Variants in TYW5 observed in about 807,000 individuals in gnomAD.
TYW5 encodes tRNA wybutosine-synthesizing protein 5.
TYW5 carries 36 observed loss-of-function variants against 44.4 expected under a neutral mutation model. The observed-to-expected ratio is 0.81, with a 90% CI of 0.62 to 1.07. The LOEUF is 1.07. Ranked by LOEUF, TYW5 falls within the 50% of genes least tolerant of loss-of-function variation. The pLI is 0.00. For synonymous variants in TYW5, 121 were observed against 128.1 expected, an observed-to-expected ratio of 0.94 and a Z score of 0.37; for missense variants, 354 against 365.7, an observed-to-expected ratio of 0.97 and a Z score of 0.26.
At chr2:199,947,404 C>T (rs2077511358) in intron 2 of TYW5, 2 of 152,282 alleles carry the variant, frequency 1.3e-5, no homozygotes, top group African/African-American at 2.4e-5. Context: ...GCATTTAAAA[C>T]TTTCATCTTT....
Position 199,933,115 on chromosome 2 carries a change from T to C in TYW5, c.900A>G (p.Arg300=), listed in dbSNP as rs769290227. 3 of 1,614,176 alleles carry C rather than the reference T, an allele frequency of 1.9e-6. No homozygotes were observed. The highest frequency in any genetic ancestry group is 2.2e-5 in the South Asian group (2 of 91,086). Residue 300 remains arginine, a synonymous_variant, in exon 8 of 8, where the codon CGA becomes CGG. Coordinates refer to ENST00000354611, the MANE Select transcript of TYW5 (RefSeq NM_001039693.3). ...PEEYRDFYAR[R]MVLHIQDKAY... ...CTTTGTCTTGAATGTGTAGGACCAT[T>C]CGTCGTGCATAGAAGTCCCTATATT... is the stretch of plus-strand genomic sequence containing the variant.
chr2:199,939,945 A>G, intron 4 of TYW5, 144 bp downstream of exon 4: 1 of 789,614 alleles, frequency 1.3e-6, no homozygotes, highest in Non-Finnish European at 2.1e-6. Context: ...CTTCTTATTC[A>G]GGGGCACAAA....
chr2:199,941,018 T>C (rs1454357804), intron 3 of TYW5, among the ~76,000 whole-genome samples: 1 of 152,192 alleles, frequency 6.6e-6, no homozygotes, highest in Non-Finnish European at 1.5e-5. Flanking sequence ...TTCATTGTAG[T>C]AAACGTAAAC....
In TYW5 at chr2:199,939,032, T is replaced by C; in HGVS notation, c.387A>G (p.Lys129=). The C allele has an allele frequency of 6.2e-7, 1 of 1,612,006 alleles. No homozygotes were observed. Among genetic ancestry groups the C allele is most frequent in the Non-Finnish European group, 8.5e-7 (1 of 1,179,404 alleles). ...ADIRKQFPLL[K]GDIKFPEFFK... ...AGAATTCTGGAAACTTAATATCTCC[T>C]TTCAACAAAGGAAACTGCTTTCTGA... The change falls in exon 5 of 8, where the codon AAA becomes AAG. Residue 129 remains lysine, a synonymous_variant. Transcript: ENST00000354611.
intron 5 of TYW5, among the ~76,000 whole-genome samples, chr2:199,938,632 A>G (rs2077440281): frequency 6.6e-6 from 1 of 152,120 alleles, no homozygotes; most frequent in South Asian, 2.1e-4. Flanking sequence ...TTCCCCCATT[A>G]TCTGGTGGCC....
intron 6 of TYW5, 66 bp downstream of exon 6, chr2:199,936,339 A>C (rs569868352): frequency 7.5e-7 from 1 of 1,337,178 alleles, no homozygotes; most frequent in South Asian, 1.2e-5. Flanking sequence ...TATAAGAATC[A>C]AGAGATTTCT....
intron 2 of TYW5, chr2:199,948,019 G>A (rs1459860318): frequency 3.9e-6 from 1 of 255,022 alleles, no homozygotes; most frequent in South Asian, 4.5e-5. Flanking sequence ...TTGAACCCAG[G>A]AGGCAGAGGT....
At chr2:199,950,412 C>T (rs137885291) in intron 1 of TYW5, among the ~76,000 whole-genome samples, 3 of 152,194 alleles carry the variant, frequency 2.0e-5, no homozygotes, top group African/African-American at 7.2e-5. Flanking sequence ...TAGGTCACAC[C>T]ACTGTAAAAA....
In TYW5 at chr2:199,930,673, A is replaced by C. The variant is rs906946785; in HGVS notation, c.*2394T>G. The C allele has an allele frequency of 6.6e-6, 1 of 152,250 alleles. No homozygotes were observed. The highest frequency in any genetic ancestry group is 6.5e-5 in the Admixed American group (1 of 15,280). 9.4% of individuals were successfully genotyped at this position (152,250 alleles called of 1,614,324 possible). The stretch of plus-strand genomic sequence containing the variant: ...AGTGAGAAATTTTGTTGGCAGAGGA[A>C]AAAAATTCCTTTTTGCATCAGGTCA... On this transcript the variant is annotated 3_prime_UTR_variant, in exon 8 of 8. Coordinates refer to ENST00000354611, the MANE Select transcript of TYW5 (RefSeq NM_001039693.3).
At chr2:199,934,690 T>C (rs2077405577) in intron 7 of TYW5, among the ~76,000 whole-genome samples, 1 of 152,048 alleles carries the variant, frequency 6.6e-6, no homozygotes, top group Non-Finnish European at 1.5e-5. Flanking sequence ...AAAGTATTAA[T>C]GATTCTTAAT....
intron 2 of TYW5, chr2:199,944,959 G>A (rs892078083): frequency 6.6e-6 from 1 of 152,160 alleles, no homozygotes; most frequent in Admixed American, 6.5e-5. Flanking sequence ...GTGATATCAG[G>A]TAACACTGTT....
intron 1 of TYW5, among the ~76,000 whole-genome samples, chr2:199,948,853 T>C (rs954029266): frequency 6.6e-6 from 1 of 152,202 alleles, no homozygotes; most frequent in Non-Finnish European, 1.5e-5. Flanking sequence ...TGTTAACATT[T>C]TGCACATTTG....
intron 2 of TYW5, 195 bp from the exon 3 acceptor site, chr2:199,944,029 G>A: frequency 4.5e-6 from 2 of 446,214 alleles, no homozygotes; most frequent in South Asian, 1.0e-4. Context: ...CTTGATCTAA[G>A]TTGTCTGAAA....
intron 5 of TYW5, among the ~76,000 whole-genome samples, chr2:199,936,774 T>C (rs957705571): frequency 6.6e-6 from 1 of 152,214 alleles, no homozygotes; most frequent in African/African-American, 2.4e-5. Context: ...ACAGCATAGT[T>C]AAGCCTATTT....
At chr2:199,950,621 T>C (rs2077537070) in intron 1 of TYW5, among the ~76,000 whole-genome samples, 1 of 152,102 alleles carries the variant, frequency 6.6e-6, no homozygotes, top group African/African-American at 2.4e-5. Flanking sequence ...GGTCCCAGTA[T>C]GAGTGAGTGC....
chr2:199,945,020 T>A (rs1171118243), intron 2 of TYW5: 1 of 152,348 alleles, frequency 6.6e-6, no homozygotes, highest in South Asian at 2.1e-4. Flanking sequence ...AGGTGGCCTA[T>A]AAGTGGACTA....
At position 199,941,082 on chromosome 2, in the gene TYW5, C is replaced by T. The variant is rs1488862455; in HGVS notation, c.304-949G>A. On this transcript the variant is annotated intron_variant, in intron 3 of 7. Coordinates refer to ENST00000354611, the MANE Select transcript of TYW5 (RefSeq NM_001039693.3). ...TTTAAATTAATTAATTGTTTTGAGA[C>T]AGGGACTCATTCTGTCACCCAGGCT... Among the ~76,000 whole-genome samples the T allele has an allele frequency of 6.6e-5, 10 of 152,266 alleles. 1 individual carries two copies. Among genetic ancestry groups the T allele is most frequent in the Middle Eastern group, 3.4e-3 (1 of 294 alleles).
At position 199,932,174 on chromosome 2, in the gene TYW5, T is replaced by C. The variant is rs2077383534; in HGVS notation, c.*893A>G. On this transcript the variant is annotated 3_prime_UTR_variant, in exon 8 of 8. Transcript: ENST00000354611. Reference sequence around the variant, plus strand: ...CATCAACTCCAGTTGATCTCAGCTCTGATTATGCATCAGAACACCCTGTGA... The same window carrying C: ...CATCAACTCCAGTTGATCTCAGCTCCGATTATGCATCAGAACACCCTGTGA... 1 of 152,184 alleles carries C rather than the reference T, an allele frequency of 6.6e-6. No individual in the cohort carries two copies. Among genetic ancestry groups the C allele is most frequent in the African/African-American group, 2.4e-5 (1 of 41,448 alleles). 9.4% of individuals were successfully genotyped at this position (152,184 alleles called of 1,614,324 possible).
intron 6 of TYW5, 49 bp from the exon 7 acceptor site, chr2:199,936,096 T>C: frequency 9.3e-7 from 1 of 1,072,512 alleles, no homozygotes; most frequent in Non-Finnish European, 1.4e-6. Context: ...AGTTAGCATT[T>C]TAAAAAAAGT....
Sources: gnomAD v4.1 joint callset for allele counts (sites outside exome capture counted in the v4.1 genomes callset) on GRCh38, gnomAD v4.1.1 for gene constraint, MANE v1.5 for transcripts, NCBI Gene and HGNC (gene_info 2026-07-23, HGNC 2026-07-21) for gene names.